The following C12orf42 variants were observed in gnomAD, a reference collection of about 807,000 sequenced individuals.
C12orf42 encodes chromosome 12 open reading frame 42, also known as uncharacterized protein C12orf42.
Under a neutral mutation model 21.6 loss-of-function variants are expected in C12orf42, and 25 were observed. The ratio of observed to expected loss-of-function variants is 1.16; its 90% CI spans 0.84 to 1.62. C12orf42 has a LOEUF of 1.62. Among genes scored for constraint, C12orf42 ranks in the 40% most tolerant of loss-of-function variants. The pLI is 0.00. For synonymous variants in C12orf42, 174 were observed against 175.0 expected (o/e 0.99, Z 0.05); for missense variants, 483 against 459.3 (o/e 1.05, Z -0.47).
the C12orf42 span, among the ~76,000 whole-genome samples, chr12:103,160,626 C>G: frequency 6.6e-6 from 1 of 152,232 alleles, no homozygotes; most frequent in Admixed American, 6.5e-5. Flanking sequence ...TAATAAAACC[C>G]CTTGCTGAGT....
the C12orf42 span, among the ~76,000 whole-genome samples, chr12:103,514,657 A>AG: frequency 6.6e-6 from 1 of 152,190 alleles, no homozygotes; most frequent in East Asian, 1.9e-4. Context: ...AAAGAGCACT[A>AG]TAGCTGTTGC....
At chr12:103,561,769 GGT>G in the C12orf42 span, among the ~76,000 whole-genome samples, 7 of 152,226 alleles carry the variant, frequency 4.6e-5, no homozygotes, top group South Asian at 1.5e-3. Context: ...CCTGGCTCCT[GGT>G]GTGTCTTTTC....
chr12:103,494,380 A>C (rs1446257111), intron 1 of C12orf42, among the ~76,000 whole-genome samples: 1 of 152,198 alleles, frequency 6.6e-6, no homozygotes, highest in Non-Finnish European at 1.5e-5. Flanking sequence ...CAGCCACACT[A>C]TGACATTAGT....
the C12orf42 span, among the ~76,000 whole-genome samples, chr12:103,113,529 A>T: frequency 6.7e-6 from 1 of 148,694 alleles, no homozygotes; most frequent in African/African-American, 2.6e-5. Context: ...TTTGGTTTTC[A>T]ACATTTGGCC....
chr12:103,380,555 T>C (rs2046076930), intron 3 of C12orf42, among the ~76,000 whole-genome samples: 2 of 152,194 alleles, frequency 1.3e-5, no homozygotes, highest in Admixed American at 1.3e-4. Flanking sequence ...AACTTTGTTG[T>C]ATAAAACCAA....
At position 103,368,931 on chromosome 12, in the gene C12orf42, G is replaced by A; in HGVS notation, c.215C>T (p.Ser72Phe). The stretch of plus-strand genomic sequence containing the variant: ...TAGACTACGAAATTTAGGAGATTCA[G>A]AGAAATTCTTCATGTGATTAATGAA... ...SRFINHMKNF[S>F]ESPKFRSLHF... The change falls in exon 4 of 6, where the codon TCT becomes TTT. Residue 72 changes from serine (S) to phenylalanine (F), a missense_variant. By Grantham distance (155) the Ser-to-Phe change is radical. Coordinates refer to ENST00000548883, the MANE Select transcript of C12orf42 (RefSeq NM_198521.5). 6.3e-7 allele frequency: 1 copy of A among 1,597,956 alleles called. No individual in the cohort carries two copies. Among genetic ancestry groups the A allele is most frequent in the Non-Finnish European group, 8.5e-7 (1 of 1,170,330 alleles).
chr12:103,098,838 A>G, the C12orf42 span, among the ~76,000 whole-genome samples: 14 of 152,248 alleles, frequency 9.2e-5, no homozygotes, highest in Non-Finnish European at 1.9e-4. Flanking sequence ...CTGCAAAACC[A>G]TCATGCTATC....
chr12:103,327,051 A>G lies in C12orf42; in HGVS notation c.260-20706T>C, dbSNP rs370209501. ...ACAGAATGCCCAAAGTAGGATATGT[A>G]GGAGTATAAGAAATAGTTACATTCC... On this transcript the variant is annotated intron_variant, in intron 4 of 5. Coordinates refer to ENST00000548883, the MANE Select transcript of C12orf42 (RefSeq NM_198521.5). Among the ~76,000 whole-genome samples, 15 of 152,340 alleles carry G rather than the reference A, an allele frequency of 9.8e-5. No individual in the cohort carries two copies. In the East Asian group the frequency reaches 1.5e-3, roughly 16 times the overall value.
the C12orf42 span, among the ~76,000 whole-genome samples, chr12:103,199,919 T>C: frequency 6.6e-6 from 1 of 152,182 alleles, no homozygotes; most frequent in South Asian, 2.1e-4. Flanking sequence ...GAAAACGGTT[T>C]GGAGGTCCCC....
the C12orf42 span, among the ~76,000 whole-genome samples, chr12:103,064,951 G>A: frequency 3.3e-5 from 5 of 152,174 alleles, no homozygotes; most frequent in African/African-American, 1.2e-4. Context: ...TTTCCTTAGT[G>A]CAAGAATGCA....
the C12orf42 span, among the ~76,000 whole-genome samples, chr12:103,197,019 A>G: frequency 1.2e-4 from 18 of 152,212 alleles, no homozygotes; most frequent in African/African-American, 4.1e-4. Flanking sequence ...TCATTGGTCT[A>G]TGGACTTAAG....
intron 4 of C12orf42, among the ~76,000 whole-genome samples, chr12:103,312,382 G>A (rs2039054220): frequency 6.6e-6 from 1 of 152,166 alleles, no homozygotes; most frequent in African/African-American, 2.4e-5. Context: ...CTGACCATTG[G>A]CCAGGCCCTG....
intron 4 of C12orf42, among the ~76,000 whole-genome samples, chr12:103,330,056 T>C (rs997368358): frequency 6.6e-6 from 1 of 152,150 alleles, no homozygotes; most frequent in Non-Finnish European, 1.5e-5. Flanking sequence ...GCTCATTTAC[T>C]CCTTCAATTA....
chr12:103,453,615 C>G (rs1952096262), intron 2 of C12orf42, among the ~76,000 whole-genome samples: 1 of 151,940 alleles, frequency 6.6e-6, no homozygotes, highest in Admixed American at 6.6e-5. Context: ...CTCCTTATTT[C>G]CCTAATAATA....
chr12:103,315,827 T>C (rs992735875), intron 4 of C12orf42, among the ~76,000 whole-genome samples: 3 of 152,088 alleles, frequency 2.0e-5, no homozygotes, highest in African/African-American at 4.8e-5. Flanking sequence ...AACATCATAT[T>C]GTGTTTTGAA....
the C12orf42 span, among the ~76,000 whole-genome samples, chr12:103,531,290 T>C: frequency 1.3e-4 from 20 of 152,330 alleles, no homozygotes; most frequent in African/African-American, 4.8e-4. Context: ...CATTTTTTAA[T>C]CTTTTTTTCT....
chr12:103,187,463 G>A, the C12orf42 span, among the ~76,000 whole-genome samples: 1 of 152,138 alleles, frequency 6.6e-6, no homozygotes, highest in Non-Finnish European at 1.5e-5. Context: ...AAGGGCAGAT[G>A]GGATGACCAC....
intron 3 of C12orf42, among the ~76,000 whole-genome samples, chr12:103,385,921 T>C (rs542673628): frequency 1.3e-5 from 2 of 152,320 alleles, no homozygotes; most frequent in African/African-American, 4.8e-5. Flanking sequence ...GACTATAGCA[T>C]GCTGATCACT....
chr12:103,214,602 G>A, the C12orf42 span, among the ~76,000 whole-genome samples: 4 of 152,160 alleles, frequency 2.6e-5, no homozygotes, highest in Admixed American at 1.3e-4. Flanking sequence ...GCTGATGTAA[G>A]AGCAAATCGA....
Sources: gnomAD v4.1 joint callset for allele counts (sites outside exome capture counted in the v4.1 genomes callset) on GRCh38, gnomAD v4.1.1 for gene constraint, MANE v1.5 for transcripts, NCBI Gene and HGNC (gene_info 2026-07-23, HGNC 2026-07-21) for gene names.